The following GLUD1 variants were observed in gnomAD, a reference collection of about 807,000 sequenced individuals.
GLUD1 encodes glutamate dehydrogenase 1, mitochondrial.
A neutral mutation model predicts 56.0 loss-of-function variants in GLUD1; 22 were observed. That is an observed-to-expected ratio of 0.39 (90% CI 0.28 to 0.56). The LOEUF (loss-of-function observed/expected upper bound fraction) is 0.56, where lower values mean the gene tolerates loss of function less well. Ranked by LOEUF, GLUD1 falls within the 20% of genes least tolerant of loss-of-function variation. The pLI, the probability that GLUD1 is intolerant of heterozygous loss-of-function variation, is 0.58. For synonymous variants in GLUD1, 223 were observed against 269.9 expected (o/e 0.83, Z 1.70); for missense variants, 451 against 732.0 (o/e 0.62, Z 4.43).
intron 1 of GLUD1, among the ~76,000 whole-genome samples, chr10:87,082,347 C>T (rs142716538): frequency 1.7e-3 from 256 of 152,250 alleles, no homozygotes; most frequent in African/African-American, 5.9e-3. Flanking sequence ...AGACATGTTC[C>T]GCTGGATGGA....
At position 87,061,792 on chromosome 10, in the gene GLUD1, C is replaced by T. The variant is rs532819204; in HGVS notation, c.922-740G>A. Among the ~76,000 whole-genome samples the T allele has an allele frequency of 8.9e-5, 13 of 146,680 alleles. No homozygotes were observed. In the East Asian group the frequency reaches 2.5e-3, roughly 28 times the overall value. On this transcript the variant is annotated intron_variant, in intron 6 of 12. Transcript: ENST00000277865. ...CATCATGCCCAGCTAATTTTTCTTT[C>T]TTTTTTTTTGAGACAGAGTCTGGCT...
chr10:87,055,142 C>T (rs1845734453), intron 11 of GLUD1, among the ~76,000 whole-genome samples: 1 of 152,124 alleles, frequency 6.6e-6, no homozygotes, highest in Non-Finnish European at 1.5e-5. Flanking sequence ...GTGTGAACTG[C>T]CAGCAGGGCC....
intron 6 of GLUD1, chr10:87,061,258 A>T (rs1197031619): frequency 1.5e-6 from 1 of 682,796 alleles, no homozygotes; most frequent in African/African-American, 1.8e-5. Context: ...ATGGTGGCTC[A>T]CGCTTGTAAT....
chr10:87,058,784 G>C (rs188725341), intron 10 of GLUD1, among the ~76,000 whole-genome samples: 2 of 152,314 alleles, frequency 1.3e-5, no homozygotes, highest in Admixed American at 1.3e-4. Flanking sequence ...CCAGCTACTT[G>C]GGAGGGTGAG....
At chr10:87,061,543 A>G (rs1845930511) in intron 6 of GLUD1, among the ~76,000 whole-genome samples, 2 of 152,050 alleles carry the variant, frequency 1.3e-5, no homozygotes, top group South Asian at 4.1e-4. Context: ...TGTTAAGTAC[A>G]CCACCAGGTC....
chr10:87,078,207 C>A (rs879320809), intron 1 of GLUD1, among the ~76,000 whole-genome samples: 1 of 152,166 alleles, frequency 6.6e-6, no homozygotes, highest in East Asian at 1.9e-4. Flanking sequence ...ATAACTGATT[C>A]TCAAATTGTG....
At chr10:87,059,096 C>A (rs139123008) in intron 10 of GLUD1, 54 bp downstream of exon 10, 17 of 1,605,812 alleles carry the variant, frequency 1.1e-5, no homozygotes, top group East Asian at 2.2e-5. Flanking sequence ...CTTTTTACAG[C>A]CTTTCAGCTG....
In GLUD1 at chr10:87,060,469, T is replaced by C. The variant is rs1845901245; in HGVS notation, c.1197+219A>G. On this transcript the variant is annotated intron_variant, in intron 8 of 12. Transcript: ENST00000277865. The stretch of plus-strand genomic sequence containing the variant: ...CTTGTTTTTTTTTTTTACAGGAGTG[T>C]CAGGCAGATGCGTTTGTTTTGGTAA... 3 of 667,316 alleles carry C rather than the reference T, an allele frequency of 4.5e-6. No individual in the cohort carries two copies. The East Asian group carries it at 8.0e-5, about 18-fold the overall frequency. 41.3% of individuals were successfully genotyped at this position (667,316 alleles called of 1,614,324 possible). A position where few individuals can be genotyped will look rare whatever the true frequency, so the allele number is the denominator to read the frequency against.
At chr10:87,065,225 G>A (rs540778070) in intron 5 of GLUD1, among the ~76,000 whole-genome samples, 7 of 148,926 alleles carry the variant, frequency 4.7e-5, no homozygotes, top group East Asian at 3.9e-4. Flanking sequence ...CCCGGGAGGC[G>A]GAGGTTGCGG....
chr10:87,064,662 C>A (rs998124601), intron 5 of GLUD1, among the ~76,000 whole-genome samples: 1 of 152,038 alleles, frequency 6.6e-6, no homozygotes, highest in Non-Finnish European at 1.5e-5. Flanking sequence ...TAATTACCAA[C>A]AAAAAGGATG....
chr10:87,093,746 T>C (rs1025486693), intron 1 of GLUD1, among the ~76,000 whole-genome samples: 1 of 152,244 alleles, frequency 6.6e-6, no homozygotes, highest in Non-Finnish European at 1.5e-5. Context: ...CTTGTCAGAA[T>C]GGGAAAATTA....
intron 1 of GLUD1, among the ~76,000 whole-genome samples, chr10:87,084,129 TTTA>T (rs1328883307): frequency 1.3e-5 from 2 of 152,094 alleles, no homozygotes; most frequent in African/African-American, 4.8e-5. Flanking sequence ...ACCCATGACG[TTTA>T]TTATTTATCA....
intron 11 of GLUD1, among the ~76,000 whole-genome samples, chr10:87,056,345 T>A (rs1183481205): frequency 5.4e-5 from 8 of 148,114 alleles, no homozygotes; most frequent in Admixed American, 2.8e-4. Flanking sequence ...CAGGCTGGAG[T>A]GCAGCGGTGC....
At chr10:87,077,871 C>T (rs532839667) in intron 1 of GLUD1, among the ~76,000 whole-genome samples, 82 of 152,016 alleles carry the variant, frequency 5.4e-4, no homozygotes, top group Non-Finnish European at 8.7e-4. Context: ...GGGCTGGGTA[C>T]GATTTCCACT....
Position 87,053,384 on chromosome 10 carries a change from G to A in GLUD1, c.1515C>T (p.Ile505=), listed in dbSNP as rs774771496. 4.5e-5 allele frequency: 72 copies of A among 1,609,808 alleles called. No homozygotes were observed. The South Asian group carries it at 6.7e-4, about 15-fold the overall frequency. The part of the protein sequence containing the change: ...DRISGASEKD[I]VHSGLAYTME... ...TTGTGTATGCCAAGCCAGAGTGCAC[G>A]ATGTCTTTCTCAGATGCACCCTATT... is the stretch of plus-strand genomic sequence containing the variant. Residue 505 remains isoleucine (I), a synonymous_variant, in exon 12 of 13, where the codon ATC becomes ATT. Coordinates refer to ENST00000277865, the MANE Select transcript of GLUD1 (RefSeq NM_005271.5).
At chr10:87,054,588 C>G (rs1392052953) in intron 11 of GLUD1, among the ~76,000 whole-genome samples, 1 of 151,898 alleles carries the variant, frequency 6.6e-6, no homozygotes, top group African/African-American at 2.4e-5. Context: ...CACTGGCTGT[C>G]TTGACAAGAA....
At chr10:87,056,840 ACT>A (rs1327461297) in intron 11 of GLUD1, among the ~76,000 whole-genome samples, 1 of 151,608 alleles carries the variant, frequency 6.6e-6, no homozygotes, top group African/African-American at 2.4e-5. Context: ...AAAAAAAAAA[ACT>A]CTTTTTCAAT....
At chr10:87,093,335 T>G (rs1198670784) in intron 1 of GLUD1, among the ~76,000 whole-genome samples, 1 of 152,242 alleles carries the variant, frequency 6.6e-6, no homozygotes. Context: ...TTTTCTTTTT[T>G]ACAGTAGACA....
intron 1 of GLUD1, among the ~76,000 whole-genome samples, chr10:87,079,309 G>A (rs541638667): frequency 6.6e-6 from 1 of 151,562 alleles, no homozygotes; most frequent in Admixed American, 6.6e-5. Flanking sequence ...GTGGGGGCAT[G>A]TGCGTGTAGT....
Sources: allele counts gnomAD v4.1 joint callset (sites outside exome capture counted in the v4.1 genomes callset), GRCh38; gene constraint gnomAD v4.1.1; transcripts MANE v1.5; gene names NCBI Gene and HGNC (gene_info 2026-07-23, HGNC 2026-07-21).